The following RALYL variants were observed in gnomAD, a reference collection of about 807,000 sequenced individuals.
The protein encoded by RALYL is RALY RNA binding protein like, also known as RNA-binding Raly-like protein.
RALYL carries 29 observed loss-of-function variants against 35.1 expected under a neutral mutation model. The observed-to-expected ratio is 0.83, with a 90% CI of 0.61 to 1.13. RALYL has a LOEUF of 1.13. Among genes scored for constraint, RALYL ranks in the 50% most tolerant of loss-of-function variants. The pLI is 0.00. For missense variants in RALYL, 359 were observed against 360.4 expected, an observed-to-expected ratio of 1.00 and a Z score of 0.03; for synonymous variants, 120 against 127.6, an observed-to-expected ratio of 0.94 and a Z score of 0.40.
chr8:84,466,943 G>T (rs2051769756), intron 1 of RALYL, among the ~76,000 whole-genome samples: 1 of 152,022 alleles, frequency 6.6e-6, no homozygotes, highest in East Asian at 1.9e-4. Context: ...GGTGTTTGTA[G>T]TATTCCCTGA....
chr8:84,814,583 A>AAAT (rs1375974067), intron 4 of RALYL, among the ~76,000 whole-genome samples: 1 of 152,172 alleles, frequency 6.6e-6, no homozygotes, highest in African/African-American at 2.4e-5. Flanking sequence ...TTTTGAAATA[A>AAAT]AATTGTTTGG....
At chr8:84,432,799 C>G (rs1377853107) in intron 1 of RALYL, among the ~76,000 whole-genome samples, 1 of 151,978 alleles carries the variant, frequency 6.6e-6, no homozygotes, top group Non-Finnish European at 1.5e-5. Flanking sequence ...ACAAAGATGA[C>G]CAGCCTCCTC....
intron 2 of RALYL, among the ~76,000 whole-genome samples, chr8:84,717,092 C>G (rs150486654): frequency 0.016 from 2,453 of 152,196 alleles, 70 homozygotes; most frequent in African/African-American, 0.056. Context: ...GAGGCTGAGA[C>G]AGGAGAATTG....
intron 6 of RALYL, 134 bp from the exon 7 acceptor site, chr8:84,873,150 T>C (rs745880884): frequency 2.8e-5 from 14 of 499,208 alleles, no homozygotes; most frequent in Non-Finnish European, 4.0e-5. Flanking sequence ...TAATGTGAAG[T>C]TGATAAAATT....
intron 8 of RALYL, among the ~76,000 whole-genome samples, chr8:84,898,966 G>A (rs1845210870): frequency 2.0e-5 from 3 of 152,126 alleles, no homozygotes; most frequent in South Asian, 4.1e-4. Context: ...GAGCCAGGGT[G>A]TTCTTTTTTC....
intron 1 of RALYL, among the ~76,000 whole-genome samples, chr8:84,524,230 C>T (rs1439540353): frequency 6.6e-6 from 1 of 152,040 alleles, no homozygotes; most frequent in Non-Finnish European, 1.5e-5. Context: ...CCAGAATCTA[C>T]AATGAACTCA....
intron 2 of RALYL, among the ~76,000 whole-genome samples, chr8:84,562,097 T>C (rs1327906517): frequency 6.6e-6 from 1 of 151,944 alleles, no homozygotes; most frequent in African/African-American, 2.4e-5. Flanking sequence ...CAAATGCTTA[T>C]GTTAGGGATT....
At chr8:84,744,284 G>GA (rs1258191238) in intron 2 of RALYL, among the ~76,000 whole-genome samples, 1 of 151,954 alleles carries the variant, frequency 6.6e-6, no homozygotes, top group Non-Finnish European at 1.5e-5. Context: ...TAGCCCCACA[G>GA]ATTCTGGTCT....
chr8:84,809,574 A>G (rs1165300146), intron 4 of RALYL, among the ~76,000 whole-genome samples: 1 of 152,080 alleles, frequency 6.6e-6, no homozygotes, highest in Non-Finnish European at 1.5e-5. Flanking sequence ...TCTTCTTTGA[A>G]TGTCTGGTAG....
chr8:84,209,394 A>G (rs1054223908), intron 1 of RALYL, among the ~76,000 whole-genome samples: 1 of 152,158 alleles, frequency 6.6e-6, no homozygotes, highest in Admixed American at 6.6e-5. Context: ...AGAATCAGAC[A>G]TATCTAGACT....
At chr8:84,336,134 C>T (rs372138715) in intron 1 of RALYL, among the ~76,000 whole-genome samples, 26 of 152,128 alleles carry the variant, frequency 1.7e-4, no homozygotes, top group African/African-American at 5.1e-4. Context: ...GACTTCTCTA[C>T]ATGGATTACA....
chr8:84,687,833 AT>A (rs1273204685), intron 2 of RALYL, among the ~76,000 whole-genome samples: 1 of 152,090 alleles, frequency 6.6e-6, no homozygotes, highest in Non-Finnish European at 1.5e-5. Flanking sequence ...GAGATTGTTA[AT>A]GTAATGACTG....
chr8:84,400,662 A>G lies in RALYL; in HGVS notation c.-23-128637A>G, dbSNP rs569985832. ...CCAGCCATAGTGTAAGGCAGACATG[A>G]GTCATTTTTCAAGGGACTTGGGATG... is the stretch of plus-strand genomic sequence containing the variant. On this transcript the variant is annotated intron_variant, in intron 1 of 8. Coordinates refer to ENST00000521268, the MANE Select transcript of RALYL (RefSeq NM_173848.7). 2.0e-5 allele frequency among the ~76,000 whole-genome samples: 3 copies of G among 152,256 alleles called. No homozygotes were observed. In the South Asian group the frequency reaches 6.2e-4, roughly 32 times the overall value.
chr8:84,551,467 G>A (rs1443561222), intron 2 of RALYL, among the ~76,000 whole-genome samples: 1 of 152,056 alleles, frequency 6.6e-6, no homozygotes, highest in Non-Finnish European at 1.5e-5. Context: ...AAATAAGAGA[G>A]GAAGTTGAAA....
chr8:84,909,691 T>A (rs1847176932), intron 8 of RALYL, among the ~76,000 whole-genome samples: 1 of 152,072 alleles, frequency 6.6e-6, no homozygotes, highest in South Asian at 2.1e-4. Context: ...TGTGCCTCAG[T>A]TTTTTAATCT....
intron 2 of RALYL, among the ~76,000 whole-genome samples, chr8:84,744,234 A>G (rs1035618658): frequency 3.3e-5 from 5 of 152,104 alleles, no homozygotes; most frequent in African/African-American, 1.2e-4. Flanking sequence ...TCACTCTGTA[A>G]TGTCCATAAT....
chr8:84,234,915 C>T (rs900714567), intron 1 of RALYL, among the ~76,000 whole-genome samples: 8 of 151,930 alleles, frequency 5.3e-5, no homozygotes, highest in East Asian at 1.9e-4. Flanking sequence ...CAGGTGGGCG[C>T]GACCATGCCC....
intron 1 of RALYL, among the ~76,000 whole-genome samples, chr8:84,352,545 T>A (rs542081711): frequency 6.7e-6 from 1 of 150,346 alleles, no homozygotes; most frequent in Non-Finnish European, 1.5e-5. Context: ...ACTTAATAAC[T>A]TTCCCAAAGC....
chr8:84,736,215 C>A (rs1847286913), intron 2 of RALYL, among the ~76,000 whole-genome samples: 1 of 152,016 alleles, frequency 6.6e-6, no homozygotes, highest in Non-Finnish European at 1.5e-5. Context: ...TTCAAAGATG[C>A]CGGAATTCCA....
Sources: allele counts gnomAD v4.1 joint callset (sites outside exome capture counted in the v4.1 genomes callset), GRCh38; gene constraint gnomAD v4.1.1; transcripts MANE v1.5; gene names NCBI Gene and HGNC (gene_info 2026-07-23, HGNC 2026-07-21).